SHANK2: variants seen among roughly 807,000 people sequenced by gnomAD.
The protein encoded by SHANK2 is SH3 and multiple ankyrin repeat domains protein 2.
A neutral mutation model predicts 133.7 loss-of-function variants in SHANK2; 43 were observed. The ratio of observed to expected loss-of-function variants is 0.32; its 90% CI spans 0.25 to 0.41. The LOEUF (loss-of-function observed/expected upper bound fraction) is 0.41, where lower values mean the gene tolerates loss of function less well. Among genes scored for constraint, SHANK2 ranks in the 10% least tolerant of loss-of-function variants. The pLI is 1.00. For synonymous variants in SHANK2, 1,017 were observed against 952.8 expected (o/e 1.07, Z -1.24); for missense variants, 1,994 against 2,235.8 (o/e 0.89, Z 2.18).
rs782557528 is a variant in SHANK2 at position 70,487,379 on chromosome 11, C to T, written c.2914G>A (p.Gly972Ser). The change falls in exon 25 of 26, where the codon GGC becomes AGC. Residue 972 changes from glycine to serine, a missense_variant. Gly to Ser is a moderately conservative substitution (Grantham distance 56, BLOSUM62 0). Transcript: ENST00000601538. This position sits in a 1 kb window ranked among gnomAD's most constrained non-coding sequence, Gnocchi z 5.8. ...DSEDLYSRNAGPQANFRNKRG... is the reference protein window; with the variant it reads ...DSEDLYSRNASPQANFRNKRG... Reference sequence around the variant, plus strand: ...TTGTTGCGGAAGTTGGCTTGCGGGCCGGCATTCCGACTGTAGAGGTCTTCA... The same window carrying T: ...TTGTTGCGGAAGTTGGCTTGCGGGCTGGCATTCCGACTGTAGAGGTCTTCA... The T allele has an allele frequency of 6.2e-7, 1 of 1,614,106 alleles. No individual in the cohort carries two copies. The highest frequency in any genetic ancestry group is 8.5e-7 in the Non-Finnish European group (1 of 1,180,034).
intron 11 of SHANK2, among the ~76,000 whole-genome samples, chr11:70,827,154 C>G (rs78807087): frequency 6.6e-6 from 1 of 152,078 alleles, no homozygotes; most frequent in Non-Finnish European, 1.5e-5. Flanking sequence ...CTGAACACGA[C>G]CTATATTTCT....
intron 11 of SHANK2, among the ~76,000 whole-genome samples, chr11:70,861,067 C>T (rs937963824): frequency 5.3e-5 from 8 of 152,204 alleles, no homozygotes; most frequent in Non-Finnish European, 8.8e-5. Context: ...GGGAAGCATT[C>T]CGACCTGCCC....
chr11:70,758,636 C>T (rs560897087), intron 14 of SHANK2, among the ~76,000 whole-genome samples: 9 of 152,270 alleles, frequency 5.9e-5, no homozygotes, highest in East Asian at 1.9e-4. Flanking sequence ...GCAAGTGGCC[C>T]GCCATCATCT....
intron 25 of SHANK2, among the ~76,000 whole-genome samples, chr11:70,482,007 G>C (rs1555151788): frequency 6.6e-6 from 1 of 152,240 alleles, no homozygotes; most frequent in Admixed American, 6.5e-5. Context: ...ACTTGTCCTT[G>C]TCAGTGTGTC....
chr11:70,570,898 T>A (rs1184608516), intron 17 of SHANK2, among the ~76,000 whole-genome samples: 3 of 152,210 alleles, frequency 2.0e-5, no homozygotes, highest in African/African-American at 7.2e-5. Flanking sequence ...GGTGGGGCTC[T>A]GAGAGTGGAC....
intron 14 of SHANK2, among the ~76,000 whole-genome samples, chr11:70,780,886 C>A (rs1446226455): frequency 6.6e-6 from 1 of 152,130 alleles, no homozygotes; most frequent in Non-Finnish European, 1.5e-5. Context: ...AAAGACAGAA[C>A]TTCTGTTTCA....
chr11:70,955,537 TGTGTGTACTTTAC>T (rs1242705519), intron 10 of SHANK2, among the ~76,000 whole-genome samples: 1 of 152,148 alleles, frequency 6.6e-6, no homozygotes, highest in Non-Finnish European at 1.5e-5. Context: ...TATTTGTGTA[TGTGTGTACTTTAC>T]GTGTGTATGT....
chr11:71,211,161 T>G (rs1190556064), intron 2 of SHANK2, among the ~76,000 whole-genome samples: 1 of 149,438 alleles, frequency 6.7e-6, no homozygotes, highest in East Asian at 2.0e-4. Flanking sequence ...CTGGACTCAG[T>G]CCAGCACACT....
chr11:70,595,937 C>G (rs60890724), intron 17 of SHANK2, among the ~76,000 whole-genome samples: 1 of 152,086 alleles, frequency 6.6e-6, no homozygotes, highest in South Asian at 2.1e-4. Flanking sequence ...GAAAACAGAG[C>G]GGGGTTTCAG....
At chr11:70,762,177 G>T (rs1299342895) in intron 14 of SHANK2, among the ~76,000 whole-genome samples, 3 of 152,210 alleles carry the variant, frequency 2.0e-5, no homozygotes, top group African/African-American at 7.2e-5. Context: ...ATAGAGCAAA[G>T]CTCCAACAAA....
intron 20 of SHANK2, among the ~76,000 whole-genome samples, chr11:70,501,714 G>A (rs539657164): frequency 6.6e-6 from 1 of 152,306 alleles, no homozygotes; most frequent in Admixed American, 6.5e-5. Flanking sequence ...CAAAGGTGCC[G>A]GGCGTTCCCT....
intron 11 of SHANK2, chr11:70,863,809 G>C (rs1949302980): frequency 2.2e-6 from 1 of 457,780 alleles, no homozygotes; most frequent in Non-Finnish European, 4.4e-6. Flanking sequence ...TGTAAGAAGA[G>C]GAAACCTGGA....
At chr11:70,938,545 G>A (rs1170881542) in intron 10 of SHANK2, among the ~76,000 whole-genome samples, 11 of 152,156 alleles carry the variant, frequency 7.2e-5, no homozygotes, top group Non-Finnish European at 2.9e-5. Flanking sequence ...CTAAGATTTA[G>A]CCAAAGAAAC....
At chr11:70,655,436 G>A (rs1414683049) in intron 17 of SHANK2, among the ~76,000 whole-genome samples, 1 of 152,158 alleles carries the variant, frequency 6.6e-6, no homozygotes, top group Non-Finnish European at 1.5e-5. Flanking sequence ...ATGTACCTCA[G>A]TTTCCCCATC....
chr11:70,781,576 A>ATATATATATATATATATATATATATG, intron 14 of SHANK2, among the ~76,000 whole-genome samples: 1 of 122,008 alleles, frequency 8.2e-6, no homozygotes, highest in African/African-American at 3.1e-5. Context: ...ATATATATAT[A>ATATATATATATATATATATATATATG]TATATATTTA....
rs1189906795 is a variant in SHANK2, at chr11:70,471,161, A to ACTAT, written c.*1704_*1707dup. 7 of 398,398 alleles carry ACTAT rather than the reference A, an allele frequency of 1.8e-5. No individual in the cohort carries two copies. The highest frequency in any genetic ancestry group is 3.1e-5 in the Non-Finnish European group (7 of 225,948). 24.7% of individuals were successfully genotyped at this position (398,398 alleles called of 1,614,324 possible). ...TTTTCTTAAAATATTGTGCTTATAA[A>ACTAT]CTATCTGTACAACTATTTAAACTTG... On this transcript the variant is annotated 3_prime_UTR_variant, in exon 26 of 26. Transcript: ENST00000601538. The surrounding 1 kb of genome is among the most constrained non-coding windows in gnomAD (Gnocchi z 4.1).
chr11:71,153,884 C>T (rs184927830), intron 2 of SHANK2, among the ~76,000 whole-genome samples: 60 of 152,206 alleles, frequency 3.9e-4, no homozygotes, highest in African/African-American at 1.4e-3. Context: ...GCAGGAGAAT[C>T]GCTTGAACTT....
chr11:70,893,293 G>A (rs1434578341), intron 11 of SHANK2, among the ~76,000 whole-genome samples: 5 of 152,230 alleles, frequency 3.3e-5, no homozygotes, highest in Non-Finnish European at 7.3e-5. Context: ...GGCAAAAAAC[G>A]CACAAGCTAG....
In SHANK2 at chr11:70,797,745, G is replaced by A. The variant is rs1232934693; in HGVS notation, c.1777+698C>T. 2.0e-4 allele frequency among the ~76,000 whole-genome samples: 30 copies of A among 151,444 alleles called. 2 individuals carry two copies. ...ACTTGACACGTGTTCTGTGAGCCTGGGATTCTACTAAAAGCCAGATGCCGT... is the reference window on the plus strand; with the variant it reads ...ACTTGACACGTGTTCTGTGAGCCTGAGATTCTACTAAAAGCCAGATGCCGT... On this transcript the variant is annotated intron_variant, in intron 14 of 25. Transcript: ENST00000601538.
Sources: allele counts gnomAD v4.1 joint callset (sites outside exome capture counted in the v4.1 genomes callset), GRCh38; gene constraint gnomAD v4.1.1; non-coding constraint Gnocchi (gnomAD v3.1); transcripts MANE v1.5; gene names NCBI Gene and HGNC (gene_info 2026-07-23, HGNC 2026-07-21).